PTPRM: variants seen among roughly 807,000 people sequenced by gnomAD.
The protein encoded by PTPRM is receptor-type tyrosine-protein phosphatase mu.
PTPRM carries 47 observed loss-of-function variants against 186.7 expected under a neutral mutation model. That is an observed-to-expected ratio of 0.25 (90% CI 0.20 to 0.32). The LOEUF is 0.32. Ranked by LOEUF, PTPRM falls within the 10% of genes least tolerant of loss-of-function variation. The pLI is 1.00. For missense variants in PTPRM, 1,494 were observed against 1,865.0 expected, an observed-to-expected ratio of 0.80 and a Z score of 3.66; for synonymous variants, 668 against 674.9, an observed-to-expected ratio of 0.99 and a Z score of 0.16.
intron 1 of PTPRM, among the ~76,000 whole-genome samples, chr18:7,767,458 T>A (rs2042066982): frequency 6.6e-6 from 1 of 152,210 alleles, no homozygotes; most frequent in Admixed American, 6.5e-5. Context: ...TCCGTTGTTT[T>A]GTCTCCAGGC....
At chr18:8,098,690 C>T (rs1042739194) in intron 11 of PTPRM, among the ~76,000 whole-genome samples, 1 of 152,042 alleles carries the variant, frequency 6.6e-6, no homozygotes, top group African/African-American at 2.4e-5. Flanking sequence ...TCAGGAAGGT[C>T]ACTCCAATTT....
At chr18:8,380,645 A>G (rs545432673) in intron 29 of PTPRM, among the ~76,000 whole-genome samples, 70 of 152,322 alleles carry the variant, frequency 4.6e-4, no homozygotes, top group South Asian at 2.3e-3. Flanking sequence ...GAAATCATAG[A>G]TGGTTGAGGT....
chr18:8,161,165 T>C (rs183682148), intron 14 of PTPRM, among the ~76,000 whole-genome samples: 1 of 152,196 alleles, frequency 6.6e-6, no homozygotes, highest in Non-Finnish European at 1.5e-5. Flanking sequence ...ACTGAAAATA[T>C]TAACTTGGAA....
At chr18:8,025,718 A>C (rs948779) in intron 7 of PTPRM, among the ~76,000 whole-genome samples, 66,964 of 152,090 alleles carry the variant, frequency 0.44, 15,990 homozygotes, top group Non-Finnish European at 0.54. Flanking sequence ...CTGAGGTCAA[A>C]GATTTTCAAG....
chr18:8,187,047 C>A (rs1400233512), intron 14 of PTPRM, among the ~76,000 whole-genome samples: 1 of 151,694 alleles, frequency 6.6e-6, no homozygotes, highest in Admixed American at 6.6e-5. Context: ...TACAGCAATT[C>A]TCGTCTGTCA....
At chr18:8,314,740 G>A (rs1447805693) in intron 20 of PTPRM, 41 bp from the exon 21 acceptor site, 1 of 1,502,864 alleles carries the variant, frequency 6.7e-7, no homozygotes, top group East Asian at 2.3e-5. Flanking sequence ...CTACCAGATT[G>A]CTTTTGTTAA....
intron 13 of PTPRM, among the ~76,000 whole-genome samples, chr18:8,131,289 G>A (rs959099751): frequency 6.6e-6 from 1 of 152,194 alleles, no homozygotes. Flanking sequence ...GAAGACCTGT[G>A]ATGAGTCTCC....
intron 2 of PTPRM, among the ~76,000 whole-genome samples, chr18:7,800,947 G>A (rs543418029): frequency 1.3e-5 from 2 of 152,050 alleles, no homozygotes; most frequent in South Asian, 2.1e-4. Context: ...AGATAAAAAC[G>A]GCACAGCTGT....
chr18:7,737,136 TA>T (rs2040787627), intron 1 of PTPRM, among the ~76,000 whole-genome samples: 1 of 151,678 alleles, frequency 6.6e-6, no homozygotes, highest in Non-Finnish European at 1.5e-5. Context: ...TTTTATTTTT[TA>T]TTTTTTTGGA....
At chr18:7,653,187 C>T (rs1487496943) in intron 1 of PTPRM, among the ~76,000 whole-genome samples, 1 of 150,862 alleles carries the variant, frequency 6.6e-6, no homozygotes, top group Non-Finnish European at 1.5e-5. Context: ...CACTCTGTTG[C>T]CCAGGTGGGA....
At chr18:8,040,682 CAT>C (rs1312267794) in intron 7 of PTPRM, among the ~76,000 whole-genome samples, 2 of 152,148 alleles carry the variant, frequency 1.3e-5, no homozygotes, top group Non-Finnish European at 2.9e-5. Context: ...AAACAGTAAA[CAT>C]ATAATTGTTC....
chr18:7,668,144 G>A lies in PTPRM; in HGVS notation c.73+100253G>A, dbSNP rs1217601142. Among the ~76,000 whole-genome samples, 2 of 152,168 alleles carry A rather than the reference G, an allele frequency of 1.3e-5. No homozygotes were observed. The highest frequency in any genetic ancestry group is 4.8e-5 in the African/African-American group (2 of 41,430). Reference sequence around the variant, plus strand: ...TGGTTTCTTTTGTATGAAAGGGAAAGTCAAGCTCTTATTATTTAGCAGTCC... The same window carrying A: ...TGGTTTCTTTTGTATGAAAGGGAAAATCAAGCTCTTATTATTTAGCAGTCC... On this transcript the variant is annotated intron_variant, in intron 1 of 32. Transcript: ENST00000580170. This position sits in a 1 kb window ranked among gnomAD's most constrained non-coding sequence, Gnocchi z 4.7.
chr18:8,379,455 CTT>C, intron 28 of PTPRM, 115 bp downstream of exon 28: 1 of 1,104,028 alleles, frequency 9.1e-7, no homozygotes, highest in Non-Finnish European at 1.2e-6. Context: ...AAGACACAAA[CTT>C]TTTTTTCCAA....
intron 13 of PTPRM, among the ~76,000 whole-genome samples, chr18:8,118,177 T>G (rs2092027880): frequency 6.6e-6 from 1 of 152,264 alleles, no homozygotes; most frequent in African/African-American, 2.4e-5. Flanking sequence ...CAGTTTAAAG[T>G]ATGCACATTA....
intron 31 of PTPRM, among the ~76,000 whole-genome samples, chr18:8,391,512 A>G (rs774554211): frequency 2.0e-5 from 3 of 152,232 alleles, no homozygotes; most frequent in Non-Finnish European, 4.4e-5. Flanking sequence ...TGTATGGTTC[A>G]TTTACACAAA....
At chr18:8,063,178 C>T (rs1179347030) in intron 7 of PTPRM, among the ~76,000 whole-genome samples, 4 of 151,272 alleles carry the variant, frequency 2.6e-5, no homozygotes, top group Admixed American at 1.3e-4. Context: ...TTTTTTAAGC[C>T]GGTCTGAAAA....
chr18:7,984,199 A>C (rs1470440439), intron 7 of PTPRM, among the ~76,000 whole-genome samples: 1 of 152,086 alleles, frequency 6.6e-6, no homozygotes, highest in Non-Finnish European at 1.5e-5. Context: ...AGTCAAGAAA[A>C]ATGCAACCAC....
chr18:7,842,219 G>T (rs79647171), intron 2 of PTPRM, among the ~76,000 whole-genome samples: 1 of 152,154 alleles, frequency 6.6e-6, no homozygotes, highest in Non-Finnish European at 1.5e-5. Context: ...GAAGGGACAC[G>T]AGGGTGATAT....
intron 14 of PTPRM, among the ~76,000 whole-genome samples, chr18:8,215,551 T>TTC (rs2094070735): frequency 7.2e-6 from 1 of 138,078 alleles, no homozygotes; most frequent in African/African-American, 2.7e-5. Context: ...TTTTCTTTTT[T>TTC]TTTTTTTTTT....
Sources: gnomAD v4.1 joint callset for allele counts (sites outside exome capture counted in the v4.1 genomes callset) on GRCh38, gnomAD v4.1.1 for gene constraint, Gnocchi (gnomAD v3.1) non-coding constraint, MANE v1.5 for transcripts, NCBI Gene and HGNC (gene_info 2026-07-23, HGNC 2026-07-21) for gene names.